The following CPQ variants were observed in gnomAD, a reference collection of about 807,000 sequenced individuals.
The protein encoded by CPQ is carboxypeptidase Q.
CPQ carries 37 observed loss-of-function variants against 45.7 expected under a neutral mutation model. The observed-to-expected ratio is 0.81, with a 90% CI of 0.62 to 1.07. The LOEUF is 1.07. CPQ is among the 50% of genes least tolerant of loss of function. The pLI is 0.00. For missense variants in CPQ, 537 were observed against 572.9 expected (o/e 0.94, Z 0.64); for synonymous variants, 186 against 205.8 (o/e 0.90, Z 0.82).
chr8:96,678,651 T>C (rs1399612260), intron 1 of CPQ, among the ~76,000 whole-genome samples: 1 of 152,052 alleles, frequency 6.6e-6, no homozygotes, highest in Admixed American at 6.6e-5. Context: ...TCCTTCATGA[T>C]TAGTGATGCA....
intron 1 of CPQ, among the ~76,000 whole-genome samples, chr8:96,727,015 C>A (rs1380645772): frequency 6.6e-6 from 1 of 152,164 alleles, no homozygotes; most frequent in African/African-American, 2.4e-5. Context: ...TATTCATCCT[C>A]TTTTCTGTTG....
chr8:96,656,694 C>T (rs543900438), intron 1 of CPQ, among the ~76,000 whole-genome samples: 15 of 152,294 alleles, frequency 9.8e-5, no homozygotes, highest in East Asian at 3.9e-4. Context: ...GCATTGAGGT[C>T]GCCTCTGAGG....
chr8:96,773,205 A>G (rs538119643), intron 1 of CPQ, among the ~76,000 whole-genome samples: 3 of 152,338 alleles, frequency 2.0e-5, no homozygotes, highest in African/African-American at 7.2e-5. Flanking sequence ...TGATGAATTT[A>G]TTCATGTATT....
intron 5 of CPQ, 49 bp downstream of exon 5, chr8:96,966,095 T>G: frequency 7.4e-7 from 1 of 1,348,248 alleles, no homozygotes; most frequent in Non-Finnish European, 1.1e-6. Flanking sequence ...CTCAGTGACA[T>G]GTTTAACTCA....
At chr8:96,854,556 A>ACAC (rs1470564309) in intron 3 of CPQ, among the ~76,000 whole-genome samples, 6 of 134,340 alleles carry the variant, frequency 4.5e-5, no homozygotes, top group Non-Finnish European at 8.0e-5. Flanking sequence ...AAAAAAAAAA[A>ACAC]AAATGTGGTG....
intron 1 of CPQ, among the ~76,000 whole-genome samples, chr8:96,682,474 C>T (rs927926116): frequency 2.0e-5 from 3 of 152,200 alleles, no homozygotes; most frequent in African/African-American, 7.2e-5. Flanking sequence ...ACTGTAAGGC[C>T]ATTAAGCATC....
intron 2 of CPQ, among the ~76,000 whole-genome samples, chr8:96,809,937 G>T (rs1034168035): frequency 2.0e-5 from 3 of 152,092 alleles, no homozygotes. Context: ...TTACACTCTA[G>T]TGAACACCCA....
intron 7 of CPQ, among the ~76,000 whole-genome samples, chr8:97,091,113 G>A (rs1201400115): frequency 6.6e-6 from 1 of 152,172 alleles, no homozygotes; most frequent in Non-Finnish European, 1.5e-5. Flanking sequence ...TTTGGTAAGA[G>A]TCCAAGAAAG....
intron 1 of CPQ, among the ~76,000 whole-genome samples, chr8:96,661,193 T>G (rs537947800): frequency 2.6e-5 from 4 of 152,292 alleles, no homozygotes; most frequent in African/African-American, 9.6e-5. Context: ...GTGGCAGACT[T>G]TTTTTTAAAA....
At chr8:96,891,212 A>G (rs1002285328) in intron 4 of CPQ, among the ~76,000 whole-genome samples, 2 of 152,210 alleles carry the variant, frequency 1.3e-5, no homozygotes, top group African/African-American at 2.4e-5. Flanking sequence ...CATTCCATGA[A>G]TCCATGGATG....
chr8:96,808,695 G>A (rs1811118059), intron 2 of CPQ, among the ~76,000 whole-genome samples: 1 of 152,104 alleles, frequency 6.6e-6, no homozygotes, highest in African/African-American at 2.4e-5. Flanking sequence ...AAAGGCAGGG[G>A]CTCCAGAAGT....
intron 4 of CPQ, among the ~76,000 whole-genome samples, chr8:96,900,785 C>G (rs1812503492): frequency 6.6e-6 from 1 of 152,094 alleles, no homozygotes; most frequent in African/African-American, 2.4e-5. Context: ...TCCATGAGGT[C>G]CTGACTGACA....
intron 1 of CPQ, among the ~76,000 whole-genome samples, chr8:96,747,278 G>A (rs1247395451): frequency 1.3e-4 from 18 of 135,018 alleles, no homozygotes; most frequent in Admixed American, 9.5e-4. Flanking sequence ...GTGACAGAGC[G>A]AATCTTTGTC....
chr8:97,044,607 T>A (rs1810199190), intron 6 of CPQ, among the ~76,000 whole-genome samples: 1 of 152,190 alleles, frequency 6.6e-6, no homozygotes, highest in African/African-American at 2.4e-5. Flanking sequence ...TTCCCCATCT[T>A]TGTGGTTTTA....
chr8:96,749,397 C>CT (rs1810230775), intron 1 of CPQ, among the ~76,000 whole-genome samples: 1 of 152,120 alleles, frequency 6.6e-6, no homozygotes, highest in South Asian at 2.1e-4. Context: ...TTGGAACTAC[C>CT]TTTTTAGATC....
intron 7 of CPQ, among the ~76,000 whole-genome samples, chr8:97,104,652 A>G (rs1285130951): frequency 1.3e-5 from 2 of 152,184 alleles, no homozygotes; most frequent in East Asian, 1.9e-4. Flanking sequence ...TGTTATTTTT[A>G]GCTCCTCTGA....
At chr8:97,114,312 G>A (rs1811546717) in intron 7 of CPQ, among the ~76,000 whole-genome samples, 1 of 152,222 alleles carries the variant, frequency 6.6e-6, no homozygotes, top group African/African-American at 2.4e-5. Context: ...CAGCATGGCA[G>A]GGTGGAAGCC....
chr8:97,026,957 G>T (rs1809808686), intron 5 of CPQ, among the ~76,000 whole-genome samples: 1 of 151,910 alleles, frequency 6.6e-6, no homozygotes, highest in African/African-American at 2.4e-5. Context: ...CTTATTTAGA[G>T]AATTTCGTCA....
intron 2 of CPQ, among the ~76,000 whole-genome samples, chr8:96,828,162 C>T (rs1811402419): frequency 6.6e-6 from 1 of 152,068 alleles, no homozygotes; most frequent in African/African-American, 2.4e-5. Context: ...CAATCTAAGC[C>T]ACTGTCACCT....
Sources: allele counts gnomAD v4.1 joint callset (sites outside exome capture counted in the v4.1 genomes callset), GRCh38; gene constraint gnomAD v4.1.1; transcripts MANE v1.5; gene names NCBI Gene and HGNC (gene_info 2026-07-23, HGNC 2026-07-21).